BLOC1S5: variants seen among roughly 807,000 people sequenced by gnomAD.
BLOC1S5 encodes biogenesis of lysosomal organelles complex 1 subunit 5, also known as biogenesis of lysosome-related organelles complex 1 subunit 5.
Under a neutral mutation model 24.3 loss-of-function variants are expected in BLOC1S5, and 27 were observed. The ratio of observed to expected loss-of-function variants is 1.11; its 90% confidence interval spans 0.82 to 1.53. BLOC1S5 has a LOEUF of 1.53. BLOC1S5 is among the 40% of genes most tolerant of loss of function. The pLI is 0.00. For synonymous variants in BLOC1S5, 84 were observed against 74.5 expected (o/e 1.13, Z -0.66); for missense variants, 239 against 229.4 (o/e 1.04, Z -0.27).
chr6:8,045,649 G>GC (rs1368362289), intron 2 of BLOC1S5, among the ~76,000 whole-genome samples: 1 of 152,162 alleles, frequency 6.6e-6, no homozygotes, highest in Non-Finnish European at 1.5e-5. Context: ...TCCACCTCTC[G>GC]CATCAGTGTG....
At chr6:8,032,910 C>T (rs1447017580) in intron 3 of BLOC1S5, among the ~76,000 whole-genome samples, 1 of 152,068 alleles carries the variant, frequency 6.6e-6, no homozygotes, top group African/African-American at 2.4e-5. Flanking sequence ...CCTAGGAATC[C>T]AACGTATAAG....
chr6:8,024,221 A>G (rs116736786), intron 4 of BLOC1S5, among the ~76,000 whole-genome samples: 5,942 of 152,034 alleles, frequency 0.039, 369 homozygotes, highest in African/African-American at 0.13. Flanking sequence ...CCCAGACATA[A>G]TATCTATAAG....
rs1475934039 is a variant in BLOC1S5 at position 8,047,160 on chromosome 6, T to TCTCACACACA, written c.196-5893_196-5892insTGTGTGTGAG. 5.7e-3 allele frequency among the ~76,000 whole-genome samples: 725 copies of TCTCACACACA among 126,866 alleles called. 17 individuals carry two copies. The highest frequency in any genetic ancestry group is 0.021 in the African/African-American group (669 of 31,682). The allele number at this position is 126,866 out of a possible 152,430, so 83.2% of individuals were successfully genotyped here. A position where few individuals can be genotyped will look rare whatever the true frequency, so the allele number is the denominator to read the frequency against. ...AAGACCACCTCTCTCTCTCTCTCTC[T>TCTCACACACA]CACACACACACACACACACACACAC... On this transcript the variant is annotated intron_variant, in intron 2 of 4. Transcript: ENST00000397457.
chr6:8,055,792 T>C (rs1189659361), intron 2 of BLOC1S5, among the ~76,000 whole-genome samples: 1 of 152,182 alleles, frequency 6.6e-6, no homozygotes, highest in African/African-American at 2.4e-5. Context: ...CCCTAGCACC[T>C]ACTCCTAAGT....
intron 3 of BLOC1S5, among the ~76,000 whole-genome samples, chr6:8,037,029 A>T (rs1456862128): frequency 6.6e-6 from 1 of 152,188 alleles, no homozygotes; most frequent in Non-Finnish European, 1.5e-5. Flanking sequence ...CTAACATCAT[A>T]CTGAATGAGG....
chr6:8,064,080 T>G lies in BLOC1S5; in HGVS notation c.112+185A>C, dbSNP rs529347821. Among the ~76,000 whole-genome samples the G allele has an allele frequency of 5.0e-4, 76 of 152,224 alleles. 1 individual carries two copies. In the East Asian group the frequency reaches 0.013, roughly 27 times the overall value. On this transcript the variant is annotated intron_variant, in intron 1 of 4. Coordinates refer to ENST00000397457, the MANE Select transcript of BLOC1S5 (RefSeq NM_201280.3). Reference sequence around the variant, plus strand: ...AGCGGGGAAACACGAAGAGTTGGGCTGGTTGGTTGTGGTGGGACGCATTTG... The same window carrying G: ...AGCGGGGAAACACGAAGAGTTGGGCGGGTTGGTTGTGGTGGGACGCATTTG...
At chr6:8,039,143 T>C (rs567071102) in intron 3 of BLOC1S5, among the ~76,000 whole-genome samples, 2 of 152,342 alleles carry the variant, frequency 1.3e-5, no homozygotes, top group Admixed American at 6.5e-5. Context: ...TGCAGCCACA[T>C]GGACAGAACT....
At chr6:8,036,064 A>C (rs1174416978) in intron 3 of BLOC1S5, among the ~76,000 whole-genome samples, 2 of 152,102 alleles carry the variant, frequency 1.3e-5, no homozygotes, top group Non-Finnish European at 2.9e-5. Context: ...TAAAATTAAA[A>C]ATCAGTAACA....
At chr6:8,034,315 TTA>T (rs1278682317) in intron 3 of BLOC1S5, among the ~76,000 whole-genome samples, 1 of 152,178 alleles carries the variant, frequency 6.6e-6, no homozygotes, top group African/African-American at 2.4e-5. Context: ...AAGGATGAGT[TTA>T]TGTCCTTTGC....
At chr6:8,044,158 C>T (rs1581420480) in intron 2 of BLOC1S5, among the ~76,000 whole-genome samples, 1 of 151,948 alleles carries the variant, frequency 6.6e-6, no homozygotes, top group East Asian at 1.9e-4. Flanking sequence ...GTGGTGCATG[C>T]CTGTAATCCT....
rs530457609 is a variant in BLOC1S5, at chr6:8,026,747, C to T, written c.326-322G>A. ...CCTGGTAACCACATCACTTCAACAA[C>T]TTTCTACTATTCTTGCCTGTGCTCT... is the stretch of plus-strand genomic sequence containing the variant. On this transcript the variant is annotated intron_variant, in intron 3 of 4. Transcript: ENST00000397457. Among the ~76,000 whole-genome samples the T allele has an allele frequency of 2.6e-5, 4 of 152,316 alleles. No individual in the cohort carries two copies. In the South Asian group the frequency reaches 6.2e-4, roughly 24 times the overall value.
chr6:8,041,435 C>T (rs1292826720), intron 2 of BLOC1S5, among the ~76,000 whole-genome samples, 167 bp from the exon 3 acceptor site: 1 of 146,144 alleles, frequency 6.8e-6, no homozygotes, highest in Non-Finnish European at 1.5e-5. Context: ...GCCTCAGCCT[C>T]CCAAGTAGCT....
At position 8,027,872 on chromosome 6, in the gene BLOC1S5, C is replaced by T. The variant is rs186743937; in HGVS notation, c.326-1447G>A. On this transcript the variant is annotated intron_variant, in intron 3 of 4. Transcript: ENST00000397457. ...AGCAATCAAGAACTGCTCATTGTCA[C>T]CAATATTCTATTTATTGTACTATCC... Among the ~76,000 whole-genome samples the T allele has an allele frequency of 5.9e-5, 9 of 151,988 alleles. No individual in the cohort carries two copies. The East Asian group carries it at 1.7e-3, about 29-fold the overall frequency.
Position 8,015,665 on chromosome 6 carries a change from T to A in BLOC1S5, c.548A>T (p.Lys183Ile). ...TTCAAGTTCTTAAAAGGTTGAAAATTTCGCTAGGTCCTTCTCCATCTCAGC... is the reference window on the plus strand; with the variant it reads ...TTCAAGTTCTTAAAAGGTTGAAAATATCGCTAGGTCCTTCTCCATCTCAGC... ...QYAEMEKDLA[K>I]FSTF The change falls in exon 5 of 5, where the codon AAA becomes ATA. Residue 183 changes from lysine (K) to isoleucine (I), a missense_variant. Transcript: ENST00000397457. The A allele has an allele frequency of 6.2e-7, 1 of 1,609,712 alleles. No individual in the cohort carries two copies. Among genetic ancestry groups the A allele is most frequent in the East Asian group, 2.2e-5 (1 of 44,852 alleles).
intron 3 of BLOC1S5, among the ~76,000 whole-genome samples, chr6:8,039,008 G>A (rs1018355264): frequency 2.6e-5 from 4 of 152,170 alleles, no homozygotes; most frequent in African/African-American, 9.7e-5. Flanking sequence ...CTGCACTTAC[G>A]TGTTTATTGA....
At chr6:8,032,673 C>G (rs1011538598) in intron 3 of BLOC1S5, among the ~76,000 whole-genome samples, 8 of 152,216 alleles carry the variant, frequency 5.3e-5, no homozygotes, top group African/African-American at 9.6e-5. Context: ...ATTAGGAAAA[C>G]AGGAAGTCAA....
chr6:8,052,720 G>A (rs1764159777), intron 2 of BLOC1S5, among the ~76,000 whole-genome samples: 1 of 151,976 alleles, frequency 6.6e-6, no homozygotes, highest in Non-Finnish European at 1.5e-5. Context: ...GTGAAACCCT[G>A]TCTCTACTAA....
chr6:8,020,629 G>C (rs1260144976), intron 4 of BLOC1S5, among the ~76,000 whole-genome samples: 3 of 152,228 alleles, frequency 2.0e-5, no homozygotes, highest in Admixed American at 6.5e-5. Flanking sequence ...ACTTCTGAGT[G>C]AGGCTGCCCA....
At chr6:8,027,408 T>C in intron 3 of BLOC1S5, 1 of 456,686 alleles carries the variant, frequency 2.2e-6, no homozygotes, top group Non-Finnish European at 4.4e-6. Flanking sequence ...ATCTGTAAAA[T>C]GAACATAACA....
Sources: allele counts gnomAD v4.1 joint callset (sites outside exome capture counted in the v4.1 genomes callset), GRCh38; gene constraint gnomAD v4.1.1; transcripts MANE v1.5; gene names NCBI Gene and HGNC (gene_info 2026-07-23, HGNC 2026-07-21).